The following MMEL1 variants were observed in gnomAD, a reference collection of about 807,000 sequenced individuals.
MMEL1 encodes membrane metalloendopeptidase like 1.
MMEL1 carries 98 observed loss-of-function variants against 117.1 expected under a neutral mutation model. The ratio of observed to expected loss-of-function variants is 0.84; its 90% CI spans 0.71 to 0.99. The LOEUF is 0.99. Among genes scored for constraint, MMEL1 ranks in the 50% least tolerant of loss-of-function variants. The pLI, the probability that MMEL1 is intolerant of heterozygous loss-of-function variation, is 0.00. For synonymous variants in MMEL1, 390 were observed against 415.1 expected, an observed-to-expected ratio of 0.94 and a Z score of 0.74; for missense variants, 1,014 against 1,049.1, an observed-to-expected ratio of 0.97 and a Z score of 0.46.
intron 6 of MMEL1, among the ~76,000 whole-genome samples, chr1:2,608,538 CAT>C (rs1266437795): frequency 7.2e-5 from 9 of 124,846 alleles, no homozygotes; most frequent in African/African-American, 2.0e-4. Context: ...CACATACACA[CAT>C]ACACATACAC....
At chr1:2,629,653 C>G (rs1305955271) in intron 1 of MMEL1, 132 bp from the exon 2 acceptor site, 1 of 767,160 alleles carries the variant, frequency 1.3e-6, no homozygotes, top group Non-Finnish European at 1.9e-6. Flanking sequence ...GTCTCCCTCT[C>G]CAAGCTCACA....
intron 1 of MMEL1, chr1:2,632,661 C>G (rs2100975097): frequency 5.7e-6 from 1 of 175,000 alleles, no homozygotes; most frequent in Admixed American, 6.2e-5. Flanking sequence ...AGATGGGGGA[C>G]AGCGGGTCCT....
intron 6 of MMEL1, among the ~76,000 whole-genome samples, chr1:2,609,034 T>TACACACACAC (rs70956312): frequency 1.9e-3 from 276 of 144,750 alleles, no homozygotes; most frequent in East Asian, 5.2e-3. Context: ...ATCCATATAA[T>TACACACACAC]ACACACACAC....
In MMEL1 at chr1:2,606,331, T is replaced by A. The variant is rs1277542910; in HGVS notation, c.667A>T (p.Met223Leu). The A allele has an allele frequency of 6.2e-7, 1 of 1,612,106 alleles. No homozygotes were observed. The highest frequency in any genetic ancestry group is 8.5e-7 in the Non-Finnish European group (1 of 1,179,790). The change falls in exon 8 of 24, where the codon ATG becomes TTG. Residue 223 changes from methionine to leucine, a missense_variant. Coordinates refer to ENST00000378412, the MANE Select transcript of MMEL1 (RefSeq NM_033467.4). ...ACGCGCCTGTTGAACTGTGAGTTCA[T>A]CAGCGCCAGCTGCCGCTCCAGCTCC... ...EWELERQLALMNSQFNRRVLI... is the reference protein window; with the variant it reads ...EWELERQLALLNSQFNRRVLI...
Position 2,611,263 on chromosome 1 carries a change from C to T in MMEL1, c.292+18G>A. ...CAGCCCTTGGGCAGGCTGTGGACGG[C>T]AAGGGGGCGGGGCTTACCTGCTATC... On this transcript the variant is annotated intron_variant, in intron 4 of 23. Transcript: ENST00000378412. The T allele has an allele frequency of 6.4e-7, 1 of 1,571,954 alleles. No individual in the cohort carries two copies. The highest frequency in any genetic ancestry group is 1.4e-5 in the African/African-American group (1 of 73,366).
At chr1:2,604,119 C>A in intron 10 of MMEL1, 28 bp downstream of exon 10, 1 of 1,510,108 alleles carries the variant, frequency 6.6e-7, no homozygotes, top group Non-Finnish European at 9.1e-7. Context: ...ACTCGCTGCC[C>A]GCTCCCCACC....
Position 2,592,927 on chromosome 1 carries a change from C to T in MMEL1, c.1907G>A (p.Trp636Ter). The change falls in exon 20 of 24, where the codon TGG becomes TAG. Residue 636 changes from tryptophan to a stop codon, truncating the protein, a stop_gained. Transcript: ENST00000378412. LOFTEE classifies it high-confidence loss of function. The part of the protein sequence containing the change: ...FDKNGNMMDW[W>*]SNFSTQHFRE... ...GAAGTGCTGGGTGGAGAAGTTACTC[C>T]ACCAATCCATCATGTTGCCATTCTT... 1 of 1,613,774 alleles carries T rather than the reference C, an allele frequency of 6.2e-7. No homozygotes were observed. The highest frequency in any genetic ancestry group is 2.2e-5 in the East Asian group (1 of 44,836).
Position 2,612,281 on chromosome 1 carries a change from G to T in MMEL1, c.155-77C>A. ...GGGTGCTGGGGGCCTCCCTGGGTCA[G>T]CACGCCATCTTCCCACAGTGCTGGG... On this transcript the variant is annotated intron_variant, in intron 2 of 23. Transcript: ENST00000378412. The surrounding 1 kb of genome is among the most constrained non-coding windows in gnomAD (Gnocchi z 5.4). 8.1e-7 allele frequency: 1 copy of T among 1,241,944 alleles called. No homozygotes were observed. The highest frequency in any genetic ancestry group is 1.1e-6 in the Non-Finnish European group (1 of 870,166). 76.9% of individuals were successfully genotyped at this position (1,241,944 alleles called of 1,614,324 possible).
At chr1:2,598,819 G>A in intron 11 of MMEL1, 29 bp from the exon 12 acceptor site, 1 of 1,587,220 alleles carries the variant, frequency 6.3e-7, no homozygotes, top group Non-Finnish European at 8.6e-7. Flanking sequence ...GGGAGAAAGA[G>A]GGAGAGAGAG....
At position 2,612,629 on chromosome 1, in the gene MMEL1, G is replaced by A. The variant is rs189502837; in HGVS notation, c.155-425C>T. Among the ~76,000 whole-genome samples, 27 of 152,258 alleles carry A rather than the reference G, an allele frequency of 1.8e-4. No homozygotes were observed. The highest frequency in any genetic ancestry group is 6.5e-4 in the African/African-American group (27 of 41,550). ...CCCACAGGGCAGGCTCATTTAGAGG[G>A]ACAGGGCCTTTTCAGAGAGGGTGGC... On this transcript the variant is annotated intron_variant, in intron 2 of 23. Transcript: ENST00000378412. This position sits in a 1 kb window ranked among gnomAD's most constrained non-coding sequence, Gnocchi z 5.4.
rs1057067822 is a variant in MMEL1, at chr1:2,591,447, T to C, written c.2240+110A>G. 6.8e-6 allele frequency: 6 copies of C among 887,458 alleles called. No homozygotes were observed. The African/African-American group carries it at 9.9e-5, about 15-fold the overall frequency. 55.0% of individuals were successfully genotyped at this position (887,458 alleles called of 1,614,324 possible). A position where few individuals can be genotyped will look rare whatever the true frequency, so the allele number is the denominator to read the frequency against. On this transcript the variant is annotated intron_variant, in intron 23 of 23. Coordinates refer to ENST00000378412, the MANE Select transcript of MMEL1 (RefSeq NM_033467.4). ...GCCCCTCTCAGGTTTATTCCCAAAA[T>C]AAACCTGTCTCTGTTGAGCCACTTT...
intron 6 of MMEL1, among the ~76,000 whole-genome samples, chr1:2,608,644 CAT>C (rs1310146107): frequency 3.9e-5 from 6 of 151,962 alleles, no homozygotes; most frequent in African/African-American, 9.7e-5. Context: ...ACAACATACA[CAT>C]ATGCACACAC....
chr1:2,629,379 C>CCAG lies in MMEL1; in HGVS notation c.103_105dup (p.Leu35dup), dbSNP rs748273089. 3.6e-4 allele frequency: 549 copies of CCAG among 1,536,340 alleles called. No individual in the cohort carries two copies. The highest frequency in any genetic ancestry group is 2.1e-3 in the African/African-American group (153 of 72,588). Reference sequence around the variant, plus strand: ...CCCAAGGCCACCAGGGCAGCGGTCACCAGCAGCAGCAGCAGCAGCAGCCCC... The same window carrying CCAG: ...CCCAAGGCCACCAGGGCAGCGGTCACCAGCAGCAGCAGCAGCAGCAGCAGCCCC... On this transcript the variant is annotated inframe_insertion, in exon 2 of 24. Coordinates refer to ENST00000378412, the MANE Select transcript of MMEL1 (RefSeq NM_033467.4).
intron 2 of MMEL1, among the ~76,000 whole-genome samples, chr1:2,623,606 G>C (rs1005246286): frequency 4.6e-5 from 7 of 152,184 alleles, no homozygotes; most frequent in African/African-American, 1.7e-4. Flanking sequence ...ATTCTTACAG[G>C]CCCAGTGTGG....
chr1:2,610,393 C>T (rs1645106679), intron 4 of MMEL1, among the ~76,000 whole-genome samples: 1 of 152,142 alleles, frequency 6.6e-6, no homozygotes, highest in Non-Finnish European at 1.5e-5. Context: ...ATTTCCTTGT[C>T]TGTGAATCCG....
chr1:2,608,665 C>T (rs1344512969), intron 6 of MMEL1, among the ~76,000 whole-genome samples: 1 of 151,936 alleles, frequency 6.6e-6, no homozygotes, highest in Non-Finnish European at 1.5e-5. Flanking sequence ...ACAACACACC[C>T]ATAGAATACA....
intron 2 of MMEL1, among the ~76,000 whole-genome samples, chr1:2,616,132 T>G (rs1645196056): frequency 6.6e-6 from 1 of 151,990 alleles, no homozygotes; most frequent in Non-Finnish European, 1.5e-5. Context: ...GTCCAGGAGT[T>G]GAGACCAGCC....
In MMEL1 at chr1:2,606,361, C is replaced by A; in HGVS notation, c.637G>T (p.Glu213Ter). The change falls in exon 8 of 24, where the codon GAG (glutamate) becomes TAG (stop). Residue 213 changes from glutamate (E) to a stop codon, truncating the protein, a stop_gained. Coordinates refer to ENST00000378412, the MANE Select transcript of MMEL1 (RefSeq NM_033467.4). LOFTEE classifies it high-confidence loss of function. ...MDRWNETVGL[E>*]WELERQLALM... ...GCCAGCTGCCGCTCCAGCTCCCACT[C>A]GAGTCCTGGGGAGACAGTGCCCCGC... 2 of 1,611,216 alleles carry A rather than the reference C, an allele frequency of 1.2e-6. No individual in the cohort carries two copies. The highest frequency in any genetic ancestry group is 3.3e-5 in the Admixed American group (2 of 60,000).
intron 2 of MMEL1, among the ~76,000 whole-genome samples, chr1:2,626,630 C>A (rs1346415329): frequency 6.6e-6 from 1 of 152,258 alleles, no homozygotes; most frequent in Non-Finnish European, 1.5e-5. Context: ...AAAATGAATA[C>A]AGTTGTTTTG....
Sources: allele counts gnomAD v4.1 joint callset (sites outside exome capture counted in the v4.1 genomes callset), GRCh38; gene constraint gnomAD v4.1.1; non-coding constraint Gnocchi (gnomAD v3.1); transcripts MANE v1.5; gene names NCBI Gene and HGNC (gene_info 2026-07-23, HGNC 2026-07-21).